DNAH10: variants seen among roughly 807,000 people sequenced by gnomAD.
DNAH10 encodes the protein dynein axonemal heavy chain 10.
A neutral mutation model predicts 506.6 loss-of-function variants in DNAH10; 348 were observed. That is an observed-to-expected ratio of 0.69 (90% CI 0.63 to 0.75). The LOEUF (loss-of-function observed/expected upper bound fraction) is 0.75. Among genes scored for constraint, DNAH10 ranks in the 30% least tolerant of loss-of-function variants. The pLI is 0.00. For missense variants in DNAH10, 5,179 were observed against 5,787.1 expected, an observed-to-expected ratio of 0.89 and a Z score of 3.41; for synonymous variants, 2,059 against 2,198.6, an observed-to-expected ratio of 0.94 and a Z score of 1.78.
chr12:123,925,155 C>G lies in DNAH10; in HGVS notation c.11872C>G (p.Arg3958Gly). The G allele has an allele frequency of 1.2e-6, 2 of 1,613,880 alleles. No homozygotes were observed. Among genetic ancestry groups the G allele is most frequent in the African/African-American group, 2.7e-5 (2 of 74,976 alleles). The change falls in exon 68 of 79, where the codon CGG becomes GGG. Residue 3958 changes from arginine to glycine, a missense_variant. Around this residue, in one of 3 missense-constraint regions of DNAH10, gnomAD observed 4,844 missense variants for 5,430.5 expected, o/e 0.89. Transcript: ENST00000673944. The surrounding 1 kb of genome is among the most constrained non-coding windows in gnomAD (Gnocchi z 4.0). ...LLILRCFRVD[R>G]VYRAVTDYVT... ...TATTTTGCGCTGTTTCCGTGTGGATCGGGTCTATCGGGCCGTGACTGACTA... is the reference window on the plus strand; with the variant it reads ...TATTTTGCGCTGTTTCCGTGTGGATGGGGTCTATCGGGCCGTGACTGACTA...
chr12:123,921,292 G>A (rs538445752), intron 65 of DNAH10, among the ~76,000 whole-genome samples: 1 of 152,322 alleles, frequency 6.6e-6, no homozygotes, highest in South Asian at 2.1e-4. Context: ...GTGGAACCAA[G>A]TGAGAAAAGA....
chr12:123,789,306 G>T (rs1478098743), intron 10 of DNAH10, among the ~76,000 whole-genome samples: 1 of 152,028 alleles, frequency 6.6e-6, no homozygotes, highest in Non-Finnish European at 1.5e-5. Context: ...GTGTGCATGG[G>T]TATTTCATTG....
Position 123,935,361 on chromosome 12 carries a change from C to T in DNAH10, c.13650C>T (p.Thr4550=). The change falls in exon 79 of 79, where the codon ACC becomes ACT. Residue 4550 remains threonine (T), a synonymous_variant. Coordinates refer to ENST00000673944, the MANE Select transcript of DNAH10 (RefSeq NM_001372106.1). ...ATACTTTCCGGACCCCCGTCTACAC[C>T]ACCTCCATGAGAAGGAACGCCATGG... is the stretch of plus-strand genomic sequence containing the variant. ...LQNTFRTPVY[T]TSMRRNAMGV... 1.2e-6 allele frequency: 2 copies of T among 1,610,454 alleles called. No individual in the cohort carries two copies. The highest frequency in any genetic ancestry group is 1.7e-6 in the Non-Finnish European group (2 of 1,176,834).
chr12:123,873,422 G>C, intron 45 of DNAH10, 136 bp from the exon 46 acceptor site: 1 of 958,346 alleles, frequency 1.0e-6, no homozygotes. Flanking sequence ...ATGAAGCACA[G>C]TCTCACACTG....
rs1447813389 is a variant in DNAH10 at position 123,934,696 on chromosome 12, C to T, written c.13553C>T (p.Pro4518Leu). The change falls in exon 78 of 79, where the codon CCC (proline) becomes CTC (leucine). Residue 4518 changes from proline to leucine, a missense_variant. Physicochemically the swap from Pro to Leu is moderately conservative, Grantham distance 98 (BLOSUM62 -3). This residue lies in a region of DNAH10 where 4,844 missense variants were observed against 5,430.5 expected (regional missense o/e 0.89). Coordinates refer to ENST00000673944, the MANE Select transcript of DNAH10 (RefSeq NM_001372106.1). ...AAAGGATGTCTTATCAAGAGCAAAC[C>T]CAAGGTGCTGGTTGTGGACCTGCCG... The part of the protein sequence containing the change: ...IEKGCLIKSK[P>L]KVLVVDLPIL... 1.2e-6 allele frequency: 2 copies of T among 1,613,786 alleles called. No homozygotes were observed. Among genetic ancestry groups the T allele is most frequent in the Non-Finnish European group, 1.7e-6 (2 of 1,179,830 alleles).
chr12:123,778,488 A>C (rs1957523251), intron 5 of DNAH10, among the ~76,000 whole-genome samples: 1 of 152,146 alleles, frequency 6.6e-6, no homozygotes, highest in Non-Finnish European at 1.5e-5. Flanking sequence ...TGAGGTCAGG[A>C]GTTCGAGACC....
chr12:123,816,534 A>G (rs1594100123), intron 21 of DNAH10, among the ~76,000 whole-genome samples: 1 of 152,136 alleles, frequency 6.6e-6, no homozygotes, highest in South Asian at 2.1e-4. Context: ...CCCCAACCCC[A>G]TACCTTAGCT....
Position 123,796,730 on chromosome 12 carries a change from A to C in DNAH10, c.2061A>C (p.Ala687=), listed in dbSNP as rs916988851. 1.2e-6 allele frequency: 2 copies of C among 1,613,934 alleles called. No individual in the cohort carries two copies. The highest frequency in any genetic ancestry group is 1.7e-6 in the Non-Finnish European group (2 of 1,179,842). The part of the protein sequence containing the change: ...PPLYKNHPPV[A]GAIYWERSLF... ...TGTATAAGAATCACCCTCCAGTAGCAGGTGCAATATACTGGGAACGATCTC... is the reference window on the plus strand; with the variant it reads ...TGTATAAGAATCACCCTCCAGTAGCCGGTGCAATATACTGGGAACGATCTC... The change falls in exon 13 of 79, where the codon GCA becomes GCC. Residue 687 remains alanine, a synonymous_variant. Coordinates refer to ENST00000673944, the MANE Select transcript of DNAH10 (RefSeq NM_001372106.1).
Position 123,848,063 on chromosome 12 carries a change from G to T in DNAH10, c.5917G>T (p.Val1973Phe). Residue 1973 changes from valine to phenylalanine, a missense_variant, in exon 33 of 79, where the codon GTC becomes TTC. Transcript: ENST00000673944. ...GAAAGCCTTGGGCTTGCTCTGTGTT[G>T]TCACCAACTGTGGCGAAGGCATGGA... ...LAKALGLLCV[V>F]TNCGEGMDYR... 1 of 1,613,888 alleles carries T rather than the reference G, an allele frequency of 6.2e-7. No homozygotes were observed. The highest frequency in any genetic ancestry group is 8.5e-7 in the Non-Finnish European group (1 of 1,179,808).
At position 123,848,841 on chromosome 12, in the gene DNAH10, A is replaced by G. The variant is rs1951055217; in HGVS notation, c.6061A>G (p.Thr2021Ala). ...CTCCGTGATCTCCTCCCAGATCCAG[A>G]CGATCCGAAATGCTCTGATCCATCA... ...VLSVISSQIQ[T>A]IRNALIHQLT... is the part of the protein sequence containing the mutation. Residue 2021 changes from threonine to alanine, a missense_variant, in exon 34 of 79, where the codon ACG becomes GCG. Transcript: ENST00000673944. 1 of 1,613,758 alleles carries G rather than the reference A, an allele frequency of 6.2e-7. No individual in the cohort carries two copies.
chr12:123,929,160 C>A, intron 70 of DNAH10, 115 bp from the exon 71 acceptor site: 1 of 1,103,470 alleles, frequency 9.1e-7, no homozygotes, highest in African/African-American at 1.6e-5. Context: ...TATTGGAGGT[C>A]TCAGACAGAT....
chr12:123,790,592 T>C (rs1594033608), intron 11 of DNAH10, among the ~76,000 whole-genome samples: 2 of 151,010 alleles, frequency 1.3e-5, no homozygotes, highest in Non-Finnish European at 3.0e-5. Context: ...GCGGAGGGGG[T>C]TTCAGGTGGG....
At chr12:123,808,044 G>GT (rs1282326330) in intron 18 of DNAH10, among the ~76,000 whole-genome samples, 2 of 127,442 alleles carry the variant, frequency 1.6e-5, no homozygotes, top group African/African-American at 2.9e-5. Flanking sequence ...GTTTTGTTTT[G>GT]TTTTTTGAGA....
chr12:123,797,892 A>T (rs1265645732), intron 13 of DNAH10, among the ~76,000 whole-genome samples: 2 of 152,232 alleles, frequency 1.3e-5, no homozygotes, highest in Admixed American at 1.3e-4. Flanking sequence ...AGATCCCGAT[A>T]GTAAATATTT....
At chr12:123,768,133 CTCCTCCTCCTTTTT>C (rs949081238) in intron 2 of DNAH10, among the ~76,000 whole-genome samples, 11 of 144,236 alleles carry the variant, frequency 7.6e-5, no homozygotes, top group Admixed American at 1.4e-4. Flanking sequence ...CCTCCTCCTC[CTCCTCCTCCTTTTT>C]TTTTGAGACA....
In DNAH10 at chr12:123,807,359, A is replaced by G. The variant is rs529557927; in HGVS notation, c.2988-1438A>G. ...AGGCAGGACACAGGGAAACAGACAT[A>G]AAAGAGATGAGTTCTGTAAAAGAAA... On this transcript the variant is annotated intron_variant, in intron 18 of 78. Coordinates refer to ENST00000673944, the MANE Select transcript of DNAH10 (RefSeq NM_001372106.1). Among the ~76,000 whole-genome samples, 3 of 152,316 alleles carry G rather than the reference A, an allele frequency of 2.0e-5. No individual in the cohort carries two copies. In the South Asian group the frequency reaches 6.2e-4, roughly 32 times the overall value.
intron 6 of DNAH10, among the ~76,000 whole-genome samples, chr12:123,781,552 G>A (rs113427964): frequency 0.016 from 2,390 of 150,800 alleles, 70 homozygotes; most frequent in African/African-American, 0.056. Context: ...TGCAACCTCC[G>A]CCCCCTGGGT....
In DNAH10 at chr12:123,794,042, G is replaced by T; in HGVS notation, c.1916G>T (p.Arg639Leu). Residue 639 changes from arginine (R) to leucine (L), a missense_variant, in exon 12 of 79, where the codon CGT (arginine) becomes CTT (leucine). By Grantham distance (102) the Arg-to-Leu change is moderately radical (BLOSUM62 -2). Transcript: ENST00000673944. ...FDMLLKFKHI[R>L]SREAVNRQMM... is the part of the protein sequence containing the mutation. ...ATGCTTTTAAAATTTAAGCACATTC[G>T]TTCACGGGAGGCTGTTAATCGACAA... 1 of 1,286,746 alleles carries T rather than the reference G, an allele frequency of 7.8e-7. No individual in the cohort carries two copies. Among genetic ancestry groups the T allele is most frequent in the African/African-American group, 1.5e-5 (1 of 65,936 alleles). The allele number at this position is 1,286,746 out of a possible 1,614,324, so 79.7% of individuals were successfully genotyped here.
intron 24 of DNAH10, among the ~76,000 whole-genome samples, chr12:123,822,900 G>T (rs1959569619): frequency 6.6e-6 from 1 of 152,210 alleles, no homozygotes; most frequent in Non-Finnish European, 1.5e-5. Context: ...GTTGGGGAGG[G>T]CCACCTGCTT....
Sources: allele counts gnomAD v4.1 joint callset (sites outside exome capture counted in the v4.1 genomes callset), GRCh38; gene constraint gnomAD v4.1.1; regional missense constraint gnomAD v4.1.1; non-coding constraint Gnocchi (gnomAD v3.1); transcripts MANE v1.5; gene names NCBI Gene and HGNC (gene_info 2026-07-23, HGNC 2026-07-21).